DENND1A: variants seen among roughly 807,000 people sequenced by gnomAD.
DENND1A encodes the protein DENN domain containing 1A.
A neutral mutation model predicts 113.7 loss-of-function variants in DENND1A; 51 were observed. The observed-to-expected ratio is 0.45, with a 90% CI of 0.36 to 0.57. The LOEUF (loss-of-function observed/expected upper bound fraction) is 0.57. Among genes scored for constraint, DENND1A ranks in the 20% least tolerant of loss-of-function variants. The pLI is 0.00. For missense variants in DENND1A, 1,258 were observed against 1,395.9 expected, an observed-to-expected ratio of 0.90 and a Z score of 1.57; for synonymous variants, 565 against 570.8, an observed-to-expected ratio of 0.99 and a Z score of 0.14.
intron 13 of DENND1A, among the ~76,000 whole-genome samples, chr9:123,525,003 T>G (rs1191598244): frequency 6.6e-6 from 1 of 152,204 alleles, no homozygotes. Context: ...ACTGCATACC[T>G]CTTATCGCTA....
At chr9:123,801,800 C>T (rs936466761) in intron 2 of DENND1A, among the ~76,000 whole-genome samples, 6 of 152,198 alleles carry the variant, frequency 3.9e-5, no homozygotes, top group Non-Finnish European at 7.3e-5. Flanking sequence ...ATATCTGTGT[C>T]TTAAATATAA....
chr9:123,670,216 C>T (rs2063698999), intron 7 of DENND1A, among the ~76,000 whole-genome samples: 1 of 152,048 alleles, frequency 6.6e-6, no homozygotes, highest in Non-Finnish European at 1.5e-5. Context: ...AGGGGAGATA[C>T]CTTTCTACCA....
intron 9 of DENND1A, among the ~76,000 whole-genome samples, chr9:123,642,673 GA>G (rs1441382774): frequency 6.6e-6 from 1 of 152,214 alleles, no homozygotes; most frequent in Non-Finnish European, 1.5e-5. Context: ...AGCACAGTTT[GA>G]AACAAAATAA....
At chr9:123,768,378 C>T (rs768729605) in intron 4 of DENND1A, among the ~76,000 whole-genome samples, 16 of 152,278 alleles carry the variant, frequency 1.1e-4, no homozygotes, top group East Asian at 7.7e-4. Flanking sequence ...AAATAAACCA[C>T]GACAGTGGTA....
chr9:123,457,637 A>G (rs1477822147), intron 14 of DENND1A, among the ~76,000 whole-genome samples, 156 bp downstream of exon 14: 1 of 152,238 alleles, frequency 6.6e-6, no homozygotes, highest in Non-Finnish European at 1.5e-5. Context: ...CTGTCTGGTC[A>G]GTGACTGCTC....
At chr9:123,758,144 TG>T (rs1319930802) in intron 4 of DENND1A, among the ~76,000 whole-genome samples, 1 of 152,168 alleles carries the variant, frequency 6.6e-6, no homozygotes, top group East Asian at 1.9e-4. Context: ...CTCATTTTGC[TG>T]ATGAAGAAAT....
intron 21 of DENND1A, among the ~76,000 whole-genome samples, chr9:123,398,372 T>A (rs975012145): frequency 6.6e-6 from 1 of 152,090 alleles, no homozygotes; most frequent in Admixed American, 6.5e-5. Flanking sequence ...TGGCTTTTTT[T>A]TTTCTTTTTC....
At chr9:123,796,756 T>TACATACACAC (rs1554760063) in intron 2 of DENND1A, among the ~76,000 whole-genome samples, 2 of 141,510 alleles carry the variant, frequency 1.4e-5, no homozygotes, top group Admixed American at 1.4e-4. Flanking sequence ...TATGTGTACA[T>TACATACACAC]ACACACACAC....
chr9:123,559,154 C>A (rs546794748), intron 12 of DENND1A, among the ~76,000 whole-genome samples: 1 of 151,910 alleles, frequency 6.6e-6, no homozygotes, highest in African/African-American at 2.4e-5. Flanking sequence ...GGCCCTGCAG[C>A]GAAGAAGAGT....
intron 15 of DENND1A, chr9:123,456,803 ACT>A (rs2048160378): frequency 6.6e-6 from 1 of 152,064 alleles, no homozygotes; most frequent in Non-Finnish European, 1.5e-5. Context: ...ACAGAACAAG[ACT>A]CTGTCTCAAA....
At chr9:123,690,818 G>A (rs1018097220) in intron 5 of DENND1A, among the ~76,000 whole-genome samples, 7 of 152,228 alleles carry the variant, frequency 4.6e-5, no homozygotes, top group Non-Finnish European at 8.8e-5. Context: ...CTGCTTCTGT[G>A]AGTGAGCTTA....
At chr9:123,590,078 C>A (rs538546117) in intron 11 of DENND1A, among the ~76,000 whole-genome samples, 1 of 152,306 alleles carries the variant, frequency 6.6e-6, no homozygotes, top group East Asian at 1.9e-4. Flanking sequence ...CCCTAACAGG[C>A]ACTCATCAGT....
chr9:123,501,254 T>C (rs1476631900), intron 13 of DENND1A, among the ~76,000 whole-genome samples: 1 of 152,220 alleles, frequency 6.6e-6, no homozygotes, highest in Non-Finnish European at 1.5e-5. Flanking sequence ...TCATCCATGG[T>C]GTAGCATGTG....
intron 2 of DENND1A, among the ~76,000 whole-genome samples, chr9:123,832,495 C>G (rs1419174681): frequency 6.6e-6 from 1 of 152,106 alleles, no homozygotes; most frequent in Non-Finnish European, 1.5e-5. Context: ...CAATATGACC[C>G]AGAAATTTCA....
chr9:123,732,518 G>T (rs947386569), intron 5 of DENND1A, among the ~76,000 whole-genome samples: 2 of 152,200 alleles, frequency 1.3e-5, no homozygotes, highest in African/African-American at 4.8e-5. Flanking sequence ...GGGGTTAAGA[G>T]TAGGAGAAGG....
At chr9:123,896,680 G>C (rs543084533) in intron 1 of DENND1A, among the ~76,000 whole-genome samples, 4 of 152,212 alleles carry the variant, frequency 2.6e-5, no homozygotes, top group Admixed American at 2.0e-4. Flanking sequence ...ACTATGACAT[G>C]ACCAAGGAAA....
chr9:123,502,360 T>C lies in DENND1A; in HGVS notation c.994-44463A>G, dbSNP rs538223409. ...TCTGAGTCCTTTTTAACACTTGTTA[T>C]TTTCTGCTTTTTTAACAGTAGCCAT... On this transcript the variant is annotated intron_variant, in intron 13 of 23. Transcript: ENST00000394215. Among the ~76,000 whole-genome samples the C allele has an allele frequency of 5.3e-5, 8 of 152,342 alleles. No individual in the cohort carries two copies. The South Asian group carries it at 1.7e-3, about 32-fold the overall frequency.
chr9:123,385,323 C>A (rs1416802799), intron 22 of DENND1A, among the ~76,000 whole-genome samples: 1 of 152,170 alleles, frequency 6.6e-6, no homozygotes, highest in Non-Finnish European at 1.5e-5. Context: ...TGCCTTTTGC[C>A]TGGCTAATTT....
At chr9:123,609,181 T>C (rs1202080323) in intron 11 of DENND1A, among the ~76,000 whole-genome samples, 1 of 152,244 alleles carries the variant, frequency 6.6e-6, no homozygotes, top group South Asian at 2.1e-4. Context: ...TAAAGAACCC[T>C]TTCCTCCTGC....
Sources: allele counts gnomAD v4.1 joint callset (sites outside exome capture counted in the v4.1 genomes callset), GRCh38; gene constraint gnomAD v4.1.1; transcripts MANE v1.5; gene names NCBI Gene and HGNC (gene_info 2026-07-23, HGNC 2026-07-21).